DLG4: variants seen among roughly 807,000 people sequenced by gnomAD.
DLG4 encodes the protein discs large MAGUK scaffold protein 4.
Under a neutral mutation model 93.8 loss-of-function variants are expected in DLG4, and 7 were observed. The ratio of observed to expected loss-of-function variants is 0.07; its 90% CI spans 0.04 to 0.14. DLG4 has a LOEUF of 0.14. DLG4 is among the 10% of genes least tolerant of loss of function. The pLI is 1.00. For missense variants in DLG4, 545 were observed against 992.9 expected (o/e 0.55, Z 6.06); for synonymous variants, 341 against 387.6 (o/e 0.88, Z 1.41).
chr17:7,194,342 A>G lies in DLG4; in HGVS notation c.1455T>C (p.Ile485=), dbSNP rs1274349103. The part of the protein sequence containing the change: ...RVHSDSETDD[I]GFIPSKRRVE... The stretch of plus-strand genomic sequence containing the variant: ...ACCGCCGTTTGCTGGGGATGAACCC[A>G]ATGTCGTCGGTCTCACTGTCAGAGT... Residue 485 remains isoleucine, a synonymous_variant, in exon 12 of 20, where the codon ATT becomes ATC. Coordinates refer to ENST00000399506, the MANE Select transcript of DLG4 (RefSeq NM_001321075.3). This position sits in a 1 kb window ranked among gnomAD's most constrained non-coding sequence, Gnocchi z 4.4. 37 of 1,607,624 alleles carry G rather than the reference A, an allele frequency of 2.3e-5. No individual in the cohort carries two copies. Among genetic ancestry groups the G allele is most frequent in the Non-Finnish European group, 3.0e-5 (35 of 1,177,274 alleles).
intron 1 of DLG4, among the ~76,000 whole-genome samples, chr17:7,209,608 A>G (rs1432936019): frequency 6.6e-6 from 1 of 152,062 alleles, no homozygotes; most frequent in Non-Finnish European, 1.5e-5. Flanking sequence ...CCTGTCTACA[A>G]AAAATACAAA....
chr17:7,204,335 C>G, intron 2 of DLG4, 83 bp from the exon 3 acceptor site: 3 of 1,385,904 alleles, frequency 2.2e-6, no homozygotes, highest in Non-Finnish European at 2.9e-6. Flanking sequence ...ATCAGCGTGG[C>G]TACCCTTTCA....
chr17:7,201,510 A>C (rs1256208688), intron 8 of DLG4, among the ~76,000 whole-genome samples: 1 of 152,210 alleles, frequency 6.6e-6, no homozygotes, highest in Non-Finnish European at 1.5e-5. Flanking sequence ...CAAAAATGTC[A>C]GGAGTAACAC....
In DLG4 at chr17:7,196,895, C is replaced by G. The variant is rs763963965; in HGVS notation, c.945G>C (p.Val315=). 8.1e-6 allele frequency: 13 copies of G among 1,613,758 alleles called. No homozygotes were observed. The highest frequency in any genetic ancestry group is 1.1e-5 in the Non-Finnish European group (13 of 1,179,868). Residue 315 remains valine, a synonymous_variant, in exon 9 of 20, where the codon GTG becomes GTC. Transcript: ENST00000399506. This position sits in a 1 kb window ranked among gnomAD's most constrained non-coding sequence, Gnocchi z 8.3. The part of the protein sequence containing the change: ...EDIPREPRRI[V]IHRGSTGLGF... The stretch of plus-strand genomic sequence containing the variant: ...CCAGGCCCGTGGAGCCCCGGTGGAT[C>G]ACAATTCGCCTCGGTTCTCGGGGAA...
In DLG4 at chr17:7,196,895, C is replaced by A. The variant is rs763963965; in HGVS notation, c.945G>T (p.Val315=). The change falls in exon 9 of 20, where the codon GTG becomes GTT. Residue 315 remains valine, a synonymous_variant. Transcript: ENST00000399506. The surrounding 1 kb of genome is among the most constrained non-coding windows in gnomAD (Gnocchi z 8.3). ...EDIPREPRRI[V]IHRGSTGLGF... ...CCAGGCCCGTGGAGCCCCGGTGGAT[C>A]ACAATTCGCCTCGGTTCTCGGGGAA... 2.5e-6 allele frequency: 4 copies of A among 1,613,758 alleles called. No individual in the cohort carries two copies. The Middle Eastern group carries it at 4.9e-4, about 199-fold the overall frequency.
chr17:7,207,908 C>T (rs1478931292), intron 2 of DLG4, among the ~76,000 whole-genome samples: 1 of 152,076 alleles, frequency 6.6e-6, no homozygotes, highest in Non-Finnish European at 1.5e-5. Context: ...TCCAGCCCCA[C>T]AAACGCCCCC....
In DLG4 at chr17:7,189,139, G is replaced by C. The variant is rs932136340; in HGVS notation, c.*1569C>G. ...AAAAAAAAAAAAAAGGGTGGGGGGG[G>C]CGCATAAAGAAACCTAGCGTATATT... On this transcript the variant is annotated 3_prime_UTR_variant, in exon 20 of 20. Coordinates refer to ENST00000399506, the MANE Select transcript of DLG4 (RefSeq NM_001321075.3). 6.7e-6 allele frequency among the ~76,000 whole-genome samples: 1 copy of C among 148,360 alleles called. No homozygotes were observed. Among genetic ancestry groups the C allele is most frequent in the Admixed American group, 6.7e-5 (1 of 14,826 alleles).
chr17:7,193,755 G>T lies in DLG4; in HGVS notation c.1544-41C>A. The T allele has an allele frequency of 6.2e-7, 1 of 1,608,038 alleles. No homozygotes were observed. Among genetic ancestry groups the T allele is most frequent in the East Asian group, 2.2e-5 (1 of 44,764 alleles). On this transcript the variant is annotated intron_variant, in intron 14 of 19. Coordinates refer to ENST00000399506, the MANE Select transcript of DLG4 (RefSeq NM_001321075.3). This position sits in a 1 kb window ranked among gnomAD's most constrained non-coding sequence, Gnocchi z 6.7. The stretch of plus-strand genomic sequence containing the variant: ...GCATCTGCAAGGGGCTCTGAAACAG[G>T]GGACCTGGAGCCCTGTCTCCCCCTT...
upstream of DLG4, chr17:7,217,779 G>T: frequency 6.5e-7 from 1 of 1,535,340 alleles, no homozygotes; most frequent in Non-Finnish European, 8.7e-7. Context: ...CAAACATGGA[G>T]ACCTGGCCAG....
In DLG4 at chr17:7,196,075, C is replaced by T. The variant is rs1243083600; in HGVS notation, c.1301+145G>A. 1.6e-6 allele frequency: 1 copy of T among 621,954 alleles called. No homozygotes were observed. The highest frequency in any genetic ancestry group is 1.8e-5 in the African/African-American group (1 of 54,302). 38.5% of individuals were successfully genotyped at this position (621,954 alleles called of 1,614,324 possible). On this transcript the variant is annotated intron_variant, in intron 11 of 19. Transcript: ENST00000399506. The surrounding 1 kb of genome is among the most constrained non-coding windows in gnomAD (Gnocchi z 8.3). ...TCAAATGTTAACCTGTGCAGCCAAG[C>T]CCATGAACCCTGGCTGCGCCTCAGG...
intron 1 of DLG4, among the ~76,000 whole-genome samples, chr17:7,213,083 C>CT (rs2070770136): frequency 1.1e-5 from 1 of 93,564 alleles, no homozygotes; most frequent in African/African-American, 4.5e-5. Flanking sequence ...CTTTTCTTTT[C>CT]TTTCTTTCTT....
At chr17:7,198,513 G>A (rs994113042) in intron 8 of DLG4, among the ~76,000 whole-genome samples, 4 of 144,790 alleles carry the variant, frequency 2.8e-5, no homozygotes, top group Non-Finnish European at 6.0e-5. Flanking sequence ...CCTCCAGCTT[G>A]GGTAACATGG....
At chr17:7,192,044 C>T (rs747910074) in intron 17 of DLG4, 42 bp from the exon 18 acceptor site, 10 of 1,167,204 alleles carry the variant, frequency 8.6e-6, no homozygotes, top group East Asian at 5.6e-5. Context: ...CAGCGGGTGG[C>T]GAGAAAGGAC....
rs546567784 is a variant in DLG4 at position 7,193,922 on chromosome 17, G to A, written c.1515+42C>T. 6.2e-7 allele frequency: 1 copy of A among 1,613,018 alleles called. No individual in the cohort carries two copies. Among genetic ancestry groups the A allele is most frequent in the Non-Finnish European group, 8.5e-7 (1 of 1,179,324 alleles). On this transcript the variant is annotated intron_variant, in intron 13 of 19. Transcript: ENST00000399506. The surrounding 1 kb of genome is among the most constrained non-coding windows in gnomAD (Gnocchi z 6.7). ...GTTAGTTATGAGCTCAGCTCCATGA[G>A]CCCTCACACTTCCACCCAGGCTCAC...
chr17:7,202,646 C>A, intron 8 of DLG4: 1 of 530,170 alleles, frequency 1.9e-6, no homozygotes, highest in Non-Finnish European at 3.4e-6. Flanking sequence ...TTATCTATTC[C>A]TTGAGAATTT....
Position 7,208,950 on chromosome 17 carries a change from G to A in DLG4, c.31-711C>T, listed in dbSNP as rs572374194. 9.9e-5 allele frequency among the ~76,000 whole-genome samples: 15 copies of A among 152,094 alleles called. No homozygotes were observed. Among genetic ancestry groups the A allele is most frequent in the African/African-American group, 3.4e-4 (14 of 41,488 alleles). ...TCCAAGCAGTCAACAGAGGGGCCCC[G>A]GGAGTCTGGCCCTACCCCTGCAACA... is the stretch of plus-strand genomic sequence containing the variant. On this transcript the variant is annotated intron_variant, in intron 1 of 19. Transcript: ENST00000399506. This position sits in a 1 kb window ranked among gnomAD's most constrained non-coding sequence, Gnocchi z 5.4.
In DLG4 at chr17:7,202,913, G is replaced by A. The variant is rs1410041899; in HGVS notation, c.777C>T (p.Asp259=). 18 of 1,613,894 alleles carry A rather than the reference G, an allele frequency of 1.1e-5. No individual in the cohort carries two copies. The highest frequency in any genetic ancestry group is 1.5e-5 in the Non-Finnish European group (18 of 1,179,878). ...AYLSDSYAPP[D]ITTSYSQHLD... Reference sequence around the variant, plus strand: ...TTGAAGGGCTCTCACAGGTTGTGATGTCTGGGGGAGCATAGCTGTCACTCA... The same window carrying A: ...TTGAAGGGCTCTCACAGGTTGTGATATCTGGGGGAGCATAGCTGTCACTCA... Residue 259 remains aspartate, a synonymous_variant, in exon 8 of 20, where the codon GAC becomes GAT. Transcript: ENST00000399506.
chr17:7,192,259 A>G, intron 17 of DLG4: 1 of 410,380 alleles, frequency 2.4e-6, no homozygotes, highest in Non-Finnish European at 4.3e-6. Flanking sequence ...GGAAGGGAGG[A>G]GCACCAGGCA....
upstream of DLG4, chr17:7,218,397 G>T: frequency 7.2e-7 from 1 of 1,392,130 alleles, no homozygotes; most frequent in Non-Finnish European, 1.0e-6. Context: ...AGCCAAGGCT[G>T]GTCCACACTC....
Sources: allele counts gnomAD v4.1 joint callset (sites outside exome capture counted in the v4.1 genomes callset), GRCh38; gene constraint gnomAD v4.1.1; non-coding constraint Gnocchi (gnomAD v3.1); transcripts MANE v1.5; gene names NCBI Gene and HGNC (gene_info 2026-07-23, HGNC 2026-07-21).